The following MSRB3 variants were observed in gnomAD, a reference collection of about 807,000 sequenced individuals.
MSRB3 encodes the protein methionine-R-sulfoxide reductase B3.
MSRB3 carries 13 observed loss-of-function variants against 21.0 expected under a neutral mutation model. That is an observed-to-expected ratio of 0.62 (90% CI 0.40 to 0.98). The LOEUF (loss-of-function observed/expected upper bound fraction) is 0.98, where lower values mean the gene tolerates loss of function less well. MSRB3 is among the 50% of genes least tolerant of loss of function. MSRB3 has a pLI of 0.00. For synonymous variants in MSRB3, 87 were observed against 88.6 expected (o/e 0.98, Z 0.10); for missense variants, 199 against 230.3 (o/e 0.86, Z 0.88).
rs75339151 is a variant in MSRB3 at position 65,279,154 on chromosome 12, T to C, written c.-52+289T>C. 3,519 of 1,122,374 alleles carry C rather than the reference T, an allele frequency of 3.1e-3. 117 individuals are homozygous for C. The East Asian group carries it at 0.06, about 19-fold the overall frequency. 69.5% of individuals were successfully genotyped at this position (1,122,374 alleles called of 1,614,324 possible). ...CCTTATCCTGTCCCGGGAGCGAACCTGAACCCGCGGGAGCCTCTCGCCCCG... is the reference window on the plus strand; with the variant it reads ...CCTTATCCTGTCCCGGGAGCGAACCCGAACCCGCGGGAGCCTCTCGCCCCG... On this transcript the variant is annotated intron_variant, in intron 1 of 6. Transcript: ENST00000308259.
At chr12:65,363,501 C>T (rs571437887) in intron 4 of MSRB3, among the ~76,000 whole-genome samples, 2 of 152,234 alleles carry the variant, frequency 1.3e-5, no homozygotes, top group South Asian at 4.1e-4. Context: ...ATTTAAAAAG[C>T]ATTCATGATA....
At chr12:65,331,579 T>G (rs532343352) in intron 4 of MSRB3, among the ~76,000 whole-genome samples, 1 of 152,316 alleles carries the variant, frequency 6.6e-6, no homozygotes, top group South Asian at 2.1e-4. Flanking sequence ...GAAAGCTGTT[T>G]GCAGGGCATC....
At chr12:65,360,784 T>C (rs1222334353) in intron 4 of MSRB3, among the ~76,000 whole-genome samples, 1 of 152,170 alleles carries the variant, frequency 6.6e-6, no homozygotes, top group Non-Finnish European at 1.5e-5. Context: ...AGAATCCAGG[T>C]CTTCTGATTC....
intron 4 of MSRB3, among the ~76,000 whole-genome samples, chr12:65,354,015 G>T (rs1877218101): frequency 2.0e-5 from 3 of 151,942 alleles, no homozygotes; most frequent in Non-Finnish European, 1.5e-5. Flanking sequence ...GAAATTCTGG[G>T]TTGAAAATTC....
In MSRB3 at chr12:65,388,771, T is replaced by C. The variant is rs142274934; in HGVS notation, c.292+19745T>C. 3.6e-3 allele frequency among the ~76,000 whole-genome samples: 541 copies of C among 152,178 alleles called. 2 individuals are homozygous for C. The highest frequency in any genetic ancestry group is 6.1e-3 in the Non-Finnish European group (413 of 67,998). On this transcript the variant is annotated intron_variant, in intron 5 of 6. Transcript: ENST00000308259. The stretch of plus-strand genomic sequence containing the variant: ...CTGTAGTCCCAGTTACTCAGAAGGC[T>C]GAGGTGGGAGGATCACCTGAGCCCA...
intron 2 of MSRB3, among the ~76,000 whole-genome samples, chr12:65,320,353 A>G (rs571820410): frequency 2.4e-4 from 36 of 152,290 alleles, no homozygotes; most frequent in South Asian, 1.9e-3. Flanking sequence ...AAAATGTAAA[A>G]ATTAAGAATG....
chr12:65,409,115 A>G (rs1880576672), intron 5 of MSRB3, among the ~76,000 whole-genome samples: 1 of 150,884 alleles, frequency 6.6e-6, no homozygotes. Flanking sequence ...ACAGCAATAT[A>G]TTATATATAT....
chr12:65,428,311 A>AT (rs369232265), intron 5 of MSRB3, among the ~76,000 whole-genome samples: 4,210 of 148,182 alleles, frequency 0.028, 106 homozygotes, highest in African/African-American at 0.061. Flanking sequence ...CTGTGTGTAT[A>AT]TTTTTTTTTT....
chr12:65,407,378 G>T (rs1880472720), intron 5 of MSRB3, among the ~76,000 whole-genome samples: 1 of 148,136 alleles, frequency 6.8e-6, no homozygotes. Context: ...ATTTCACTCT[G>T]CTCTCTTCAT....
intron 4 of MSRB3, among the ~76,000 whole-genome samples, chr12:65,338,302 C>A (rs1875916247): frequency 6.6e-6 from 1 of 152,026 alleles, no homozygotes; most frequent in Non-Finnish European, 1.5e-5. Context: ...TTTGGTAGCA[C>A]CATTACACAG....
At chr12:65,327,193 T>C (rs771629257) in intron 3 of MSRB3, among the ~76,000 whole-genome samples, 3 of 152,248 alleles carry the variant, frequency 2.0e-5, no homozygotes, top group East Asian at 1.9e-4. Context: ...TTTAGTTTAC[T>C]ACAAAATGTG....
intron 4 of MSRB3, among the ~76,000 whole-genome samples, chr12:65,339,325 C>T (rs1875988686): frequency 6.6e-6 from 1 of 152,176 alleles, no homozygotes; most frequent in South Asian, 2.1e-4. Context: ...AAAATTCCTC[C>T]AGACATTCTC....
intron 5 of MSRB3, among the ~76,000 whole-genome samples, chr12:65,425,992 G>A (rs1371377310): frequency 6.6e-6 from 1 of 152,046 alleles, no homozygotes; most frequent in Non-Finnish European, 1.5e-5. Context: ...GAGTAGCTGG[G>A]ACCACAGGCA....
intron 4 of MSRB3, among the ~76,000 whole-genome samples, chr12:65,331,600 C>T (rs997131763): frequency 6.6e-5 from 10 of 152,304 alleles, no homozygotes; most frequent in South Asian, 2.1e-4. Flanking sequence ...TCAGTGGAGG[C>T]GCTCCACTAC....
At chr12:65,419,223 C>T in intron 5 of MSRB3, 1 of 718,918 alleles carries the variant, frequency 1.4e-6, no homozygotes, top group African/African-American at 1.7e-5. Context: ...ATTTGTCCAG[C>T]CCTTCTCAGT....
chr12:65,326,072 A>C (rs1341487417), intron 2 of MSRB3, among the ~76,000 whole-genome samples: 1 of 152,070 alleles, frequency 6.6e-6, no homozygotes, highest in Non-Finnish European at 1.5e-5. Context: ...AAATATTCAC[A>C]TTTCCTTTTT....
chr12:65,441,768 A>G (rs4762097), intron 5 of MSRB3, among the ~76,000 whole-genome samples: 43,503 of 151,796 alleles, frequency 0.29, 6,838 homozygotes, highest in Middle Eastern at 0.46. Flanking sequence ...GTGGTAATAG[A>G]GTATGCTTTG....
At chr12:65,460,631 G>A (rs1253776594) in intron 6 of MSRB3, among the ~76,000 whole-genome samples, 8 of 152,048 alleles carry the variant, frequency 5.3e-5, no homozygotes, top group African/African-American at 1.9e-4. Flanking sequence ...CATTTTCAGG[G>A]GACTCAAACC....
intron 2 of MSRB3, 24 bp from the exon 3 acceptor site, chr12:65,326,802 C>T (rs767649001): frequency 3.2e-6 from 5 of 1,585,700 alleles, no homozygotes; most frequent in Non-Finnish European, 4.3e-6. Flanking sequence ...AAGGCTTCTT[C>T]TCCCATATCC....
Sources: gnomAD v4.1 joint callset for allele counts (sites outside exome capture counted in the v4.1 genomes callset) on GRCh38, gnomAD v4.1.1 for gene constraint, MANE v1.5 for transcripts, NCBI Gene and HGNC (gene_info 2026-07-23, HGNC 2026-07-21) for gene names.